Variants in IGFN1 observed in about 807,000 individuals in gnomAD.
IGFN1 encodes the protein immunoglobulin-like and fibronectin type III domain-containing protein 1.
Under a neutral mutation model 289.5 loss-of-function variants are expected in IGFN1, and 253 were observed. The ratio of observed to expected loss-of-function variants is 0.87; its 90% confidence interval spans 0.79 to 0.97. IGFN1 has a LOEUF of 0.97. IGFN1 is among the 50% of genes least tolerant of loss of function. IGFN1 has a pLI of 0.00. For synonymous variants in IGFN1, 1,706 were observed against 1,788.5 expected, an observed-to-expected ratio of 0.95 and a Z score of 1.16; for missense variants, 4,470 against 4,686.1, an observed-to-expected ratio of 0.95 and a Z score of 1.35.
chr1:201,217,422 G>A lies in IGFN1; in HGVS notation c.9731G>A (p.Ser3244Asn). 6.2e-7 allele frequency: 1 copy of A among 1,614,202 alleles called. No homozygotes were observed. Among genetic ancestry groups the A allele is most frequent in the South Asian group, 1.1e-5 (1 of 91,082 alleles). Residue 3244 changes from serine to asparagine, a missense_variant, in exon 17 of 24, where the codon AGC becomes AAC. By Grantham distance (46) the Ser-to-Asn change is conservative. Coordinates refer to ENST00000335211, the MANE Select transcript of IGFN1 (RefSeq NM_001164586.2). ...GYLIERRKKG[S>N]NTWTAVNDQP... ...CTGATCGAGAGGCGTAAGAAGGGGAGCAACACCTGGACGGCAGTGAACGAC... is the reference window on the plus strand; with the variant it reads ...CTGATCGAGAGGCGTAAGAAGGGGAACAACACCTGGACGGCAGTGAACGAC...
At chr1:201,196,745 A>ACC (rs1666937652) in intron 4 of IGFN1, among the ~76,000 whole-genome samples, 1 of 152,208 alleles carries the variant, frequency 6.6e-6, no homozygotes, top group Non-Finnish European at 1.5e-5. Context: ...GCAATATTAT[A>ACC]AATACTAACC....
At chr1:201,199,048 G>A (rs1429653600) in intron 5 of IGFN1, among the ~76,000 whole-genome samples, 2 of 152,176 alleles carry the variant, frequency 1.3e-5, no homozygotes, top group Non-Finnish European at 2.9e-5. Context: ...ACGCATTTAT[G>A]CCACCTCCCT....
At chr1:201,224,623 C>A in intron 20 of IGFN1, 56 bp from the exon 21 acceptor site, 1 of 1,489,638 alleles carries the variant, frequency 6.7e-7, no homozygotes, top group African/African-American at 1.4e-5. Context: ...AATGCCATCA[C>A]CTCCATGAAA....
chr1:201,206,616 A>G lies in IGFN1; in HGVS notation c.1723A>G (p.Arg575Gly). Residue 575 changes from arginine to glycine, a missense_variant, in exon 12 of 24, where the codon AGG becomes GGG. Physicochemically the swap from Arg to Gly is moderately radical, Grantham distance 125. Around this residue, in one of 8 missense-constraint regions of IGFN1, gnomAD observed 2,011 missense variants for 1,953.4 expected, o/e 1.03. Transcript: ENST00000335211. ...TCAGGCTGGAGGACTGGGGAGCAGC[A>G]GGGAAGGAAAGGAGCACAGAGGGGA... Reference protein sequence around the residue: ...RLQAGGLGSSREGKEHRGDSG... With the variant: ...RLQAGGLGSSGEGKEHRGDSG... 1 of 1,543,064 alleles carries G rather than the reference A, an allele frequency of 6.5e-7. No homozygotes were observed. The highest frequency in any genetic ancestry group is 8.7e-7 in the Non-Finnish European group (1 of 1,146,920).
rs1654277311 is a variant in IGFN1, at chr1:201,228,728, T to C, written c.*329T>C. The C allele has an allele frequency of 8.0e-6, 3 of 377,012 alleles. No individual in the cohort carries two copies. Among genetic ancestry groups the C allele is most frequent in the South Asian group, 3.0e-5 (1 of 33,766 alleles). 23.4% of individuals were successfully genotyped at this position (377,012 alleles called of 1,614,324 possible). The stretch of plus-strand genomic sequence containing the variant: ...GCCTGCAGGATGGGCCGGCTCCTTA[T>C]TTTCCTGGGCTGAGCCGTTTGGAGG... On this transcript the variant is annotated 3_prime_UTR_variant, in exon 24 of 24. Transcript: ENST00000335211.
chr1:201,211,729 G>C lies in IGFN1; in HGVS notation c.6836G>C (p.Ser2279Thr), dbSNP rs966826497. Residue 2279 changes from serine to threonine, a missense_variant, in exon 12 of 24, where the codon AGT becomes ACT. This residue lies in a region of IGFN1 where 2,218 missense variants were observed against 2,114.1 expected (regional missense o/e 1.05). Transcript: ENST00000335211. Reference sequence around the variant, plus strand: ...GGTTTAGGCAGTTCTGGAAAAATCAGTTCAGGGGATGAGGCAGGTTATAAG... The same window carrying C: ...GGTTTAGGCAGTTCTGGAAAAATCACTTCAGGGGATGAGGCAGGTTATAAG... ...RNGLGSSGKI[S>T]SGDEAGYKNV... 6.5e-6 allele frequency: 10 copies of C among 1,536,876 alleles called. No homozygotes were observed. The African/African-American group carries it at 1.1e-4, about 17-fold the overall frequency.
At chr1:201,218,687 G>A in intron 18 of IGFN1, 29 bp downstream of exon 18, 1 of 1,590,546 alleles carries the variant, frequency 6.3e-7, no homozygotes, top group Non-Finnish European at 8.5e-7. Flanking sequence ...CAGGATGGGG[G>A]TGGAGGTGAG....
chr1:201,194,354 C>A (rs987375159), intron 3 of IGFN1, 81 bp downstream of exon 3: 2 of 1,472,656 alleles, frequency 1.4e-6, no homozygotes, highest in African/African-American at 1.4e-5. Flanking sequence ...GGGCACCAAC[C>A]TTCCTGGGGA....
chr1:201,227,290 T>G (rs1449413512), intron 23 of IGFN1, 82 bp downstream of exon 23: 1 of 1,120,636 alleles, frequency 8.9e-7, no homozygotes, highest in Non-Finnish European at 1.3e-6. Context: ...CTCCGGGGGG[T>G]GCCTAGAGGG....
chr1:201,224,467 G>C (rs535668211), intron 20 of IGFN1, among the ~76,000 whole-genome samples: 2 of 151,856 alleles, frequency 1.3e-5, no homozygotes, highest in Non-Finnish European at 2.9e-5. Context: ...TTGTTCTACC[G>C]CCCCCCTACC....
chr1:201,198,034 CCTCATGGCCATAAGAGGG>C (rs979419033), intron 5 of IGFN1, among the ~76,000 whole-genome samples: 1 of 152,202 alleles, frequency 6.6e-6, no homozygotes, highest in African/African-American at 2.4e-5. Flanking sequence ...TGGCTTATCA[CCTCATGGCCATAAGAGGG>C]CTGTGGCAGA....
intron 20 of IGFN1, among the ~76,000 whole-genome samples, chr1:201,223,713 T>A (rs1364847285): frequency 1.3e-5 from 2 of 152,146 alleles, no homozygotes; most frequent in Non-Finnish European, 2.9e-5. Flanking sequence ...ACCTTCCTCA[T>A]CTGTCAAAAG....
At chr1:201,226,834 C>T in intron 22 of IGFN1, 48 bp from the exon 23 acceptor site, 1 of 1,427,148 alleles carries the variant, frequency 7.0e-7, no homozygotes, top group South Asian at 1.3e-5. Flanking sequence ...CTCAGCCAGG[C>T]CTTCCTCGCT....
intron 1 of IGFN1, among the ~76,000 whole-genome samples, chr1:201,192,698 T>C (rs1486080106): frequency 6.6e-6 from 1 of 152,072 alleles, no homozygotes; most frequent in Non-Finnish European, 1.5e-5. Context: ...GCGTGGGAAG[T>C]AGAGGGCTTC....
In IGFN1 at chr1:201,213,524, C is replaced by CG; in HGVS notation, c.8633dup (p.Arg2879GlnfsTer43). The CG allele has an allele frequency of 6.2e-7, 1 of 1,614,008 alleles. No individual in the cohort carries two copies. Among genetic ancestry groups the CG allele is most frequent in the South Asian group, 1.1e-5 (1 of 91,084 alleles). ...TTGGTAGCAGGAGAAGTGGCAAAGA[C>CG]GGCAGGTTGGACATCTATGGAGAGA... On this transcript the variant is annotated frameshift_variant, in exon 12 of 24. Transcript: ENST00000335211. LOFTEE classifies it high-confidence loss of function.
In IGFN1 at chr1:201,206,830, G is replaced by C; in HGVS notation, c.1937G>C (p.Arg646Thr). Residue 646 changes from arginine to threonine, a missense_variant, in exon 12 of 24, where the codon AGG becomes ACG. Arg to Thr is a moderately conservative substitution (Grantham distance 71). Coordinates refer to ENST00000335211, the MANE Select transcript of IGFN1 (RefSeq NM_001164586.2). Reference protein sequence around the residue: ...AEMDRGDAPSRERGRGIVVWG... With the variant: ...AEMDRGDAPSTERGRGIVVWG... The stretch of plus-strand genomic sequence containing the variant: ...ATGGACAGAGGGGATGCTCCAAGTA[G>C]GGAAAGGGGGAGAGGAATAGTAGTG... 6.5e-7 allele frequency: 1 copy of C among 1,536,942 alleles called. No individual in the cohort carries two copies. Among genetic ancestry groups the C allele is most frequent in the Non-Finnish European group, 8.7e-7 (1 of 1,146,876 alleles).
At chr1:201,200,870 C>T (rs565280748) in intron 8 of IGFN1, among the ~76,000 whole-genome samples, 6 of 143,880 alleles carry the variant, frequency 4.2e-5, no homozygotes, top group Admixed American at 1.5e-4. Flanking sequence ...CTTGCTCTTT[C>T]GCCCAGGCTG....
In IGFN1 at chr1:201,221,764, C is replaced by A; in HGVS notation, c.10201+18C>A. 6.4e-7 allele frequency: 1 copy of A among 1,558,558 alleles called. No homozygotes were observed. Among genetic ancestry groups the A allele is most frequent in the Middle Eastern group, 1.7e-4 (1 of 5,734 alleles). On this transcript the variant is annotated intron_variant, in intron 19 of 23. Transcript: ENST00000335211. ...TGTTACTGGTGAGTGCTGCCTCCTTCCCCGACCCCTGAGCCCTGCAGGCCT... is the reference window on the plus strand; with the variant it reads ...TGTTACTGGTGAGTGCTGCCTCCTTACCCGACCCCTGAGCCCTGCAGGCCT...
Position 201,209,522 on chromosome 1 carries a change from G to C in IGFN1, c.4629G>C (p.Gly1543=). Residue 1543 remains glycine (G), a synonymous_variant, in exon 12 of 24, where the codon GGG becomes GGC. Transcript: ENST00000335211. ...GGGCTTCTGAGGCAATAGGTTCAGG[G>C]AGTAAGGCAGGTTTTACGGATGGTT... ...DLGASEAIGS[G]SKAGFTDGLG... is the part of the protein sequence containing the mutation. The C allele has an allele frequency of 1.3e-6, 2 of 1,531,364 alleles. No homozygotes were observed. The highest frequency in any genetic ancestry group is 2.5e-5 in the East Asian group (1 of 40,260). The allele number at this position is 1,531,364 out of a possible 1,614,324, so 94.9% of individuals were successfully genotyped here. A position where few individuals can be genotyped will look rare whatever the true frequency, so the allele number is the denominator to read the frequency against.
Sources: gnomAD v4.1 joint callset for allele counts (sites outside exome capture counted in the v4.1 genomes callset) on GRCh38, gnomAD v4.1.1 for gene constraint, gnomAD v4.1.1 regional missense constraint, MANE v1.5 for transcripts, NCBI Gene and HGNC (gene_info 2026-07-23, HGNC 2026-07-21) for gene names.